Variants in ERGIC2 observed in about 807,000 individuals in gnomAD.
ERGIC2 encodes endoplasmic reticulum-Golgi intermediate compartment protein 2.
A neutral mutation model predicts 52.5 loss-of-function variants in ERGIC2; 31 were observed. The ratio of observed to expected loss-of-function variants is 0.59; its 90% CI spans 0.44 to 0.80. The LOEUF (loss-of-function observed/expected upper bound fraction) is 0.80. Ranked by LOEUF, ERGIC2 falls within the 30% of genes least tolerant of loss-of-function variation. The pLI is 0.00. For missense variants in ERGIC2, 395 were observed against 455.2 expected, an observed-to-expected ratio of 0.87 and a Z score of 1.20; for synonymous variants, 129 against 140.6, an observed-to-expected ratio of 0.92 and a Z score of 0.58.
intron 6 of ERGIC2, among the ~76,000 whole-genome samples, chr12:29,358,015 A>G (rs1020620323): frequency 1.3e-5 from 2 of 152,136 alleles, no homozygotes; most frequent in Non-Finnish European, 2.9e-5. Context: ...AAGTATCTCA[A>G]TTCATCTTTC....
chr12:29,378,088 C>T (rs553346300), intron 1 of ERGIC2, among the ~76,000 whole-genome samples: 11 of 152,288 alleles, frequency 7.2e-5, no homozygotes, highest in African/African-American at 2.6e-4. Flanking sequence ...ATATTTGAGT[C>T]TTTCAGATAT....
chr12:29,351,448 C>T (rs542085147), intron 8 of ERGIC2, among the ~76,000 whole-genome samples: 3 of 152,214 alleles, frequency 2.0e-5, no homozygotes, highest in South Asian at 4.1e-4. Context: ...TGAAAGCAGG[C>T]GATTCATAGA....
intron 1 of ERGIC2, among the ~76,000 whole-genome samples, chr12:29,375,649 A>G (rs1190196717): frequency 6.6e-6 from 1 of 152,222 alleles, no homozygotes; most frequent in African/African-American, 2.4e-5. Flanking sequence ...ATTTATATAT[A>G]AGCATAAAGA....
At chr12:29,372,358 T>C (rs981700977) in intron 1 of ERGIC2, 1 of 147,050 alleles carries the variant, frequency 6.8e-6, no homozygotes, top group African/African-American at 2.5e-5. Flanking sequence ...AAAATAAAAA[T>C]AATAATAATA....
chr12:29,376,435 G>A (rs1169386474), intron 1 of ERGIC2, among the ~76,000 whole-genome samples: 2 of 152,054 alleles, frequency 1.3e-5, no homozygotes, highest in Non-Finnish European at 2.9e-5. Flanking sequence ...TGGAATTCAT[G>A]CTCTGATGGC....
intron 6 of ERGIC2, among the ~76,000 whole-genome samples, chr12:29,360,816 G>A (rs909938981): frequency 6.6e-6 from 1 of 151,486 alleles, no homozygotes; most frequent in Non-Finnish European, 1.5e-5. Context: ...TTGTATCTGG[G>A]TGCCCAATCT....
At chr12:29,380,949 C>T (rs752106643) in intron 1 of ERGIC2, 166 bp downstream of exon 1, 2 of 152,264 alleles carry the variant, frequency 1.3e-5, no homozygotes, top group Non-Finnish European at 2.9e-5. Flanking sequence ...CAGTAACGCC[C>T]CCGTGGGAGG....
At position 29,371,489 on chromosome 12, in the gene ERGIC2, G is replaced by A. The variant is rs989663460; in HGVS notation, c.106+39C>T. On this transcript the variant is annotated intron_variant, in intron 2 of 13. Transcript: ENST00000360150. Reference sequence around the variant, plus strand: ...TTGTTGACTGGATCACGCAGAAGTTGTACTTACTACAGAACTTTTAATGTT... The same window carrying A: ...TTGTTGACTGGATCACGCAGAAGTTATACTTACTACAGAACTTTTAATGTT... The A allele has an allele frequency of 9.1e-6, 12 of 1,312,908 alleles. No homozygotes were observed. The South Asian group carries it at 1.6e-4, about 18-fold the overall frequency. The allele number at this position is 1,312,908 out of a possible 1,614,324, so 81.3% of individuals were successfully genotyped here.
intron 10 of ERGIC2, among the ~76,000 whole-genome samples, chr12:29,348,740 T>C (rs1940092448): frequency 6.6e-6 from 1 of 152,018 alleles, no homozygotes; most frequent in South Asian, 2.1e-4. Flanking sequence ...GTTGAACCTT[T>C]TTTTCATTCT....
rs917081294 is a variant in ERGIC2 at position 29,339,160 on chromosome 12, C to T, written c.*1996G>A. The T allele has an allele frequency of 6.6e-6, 1 of 152,024 alleles. No individual in the cohort carries two copies. Among genetic ancestry groups the T allele is most frequent in the Non-Finnish European group, 1.5e-5 (1 of 67,988 alleles). The allele number at this position is 152,024 out of a possible 1,614,324, so 9.4% of individuals were successfully genotyped here. A position where few individuals can be genotyped will look rare whatever the true frequency, so the allele number is the denominator to read the frequency against. ...TTTAAAATGGAAATCAAAGGCAAAG[C>T]AGAATTTTGCTTTAAAGAAATTCCT... On this transcript the variant is annotated 3_prime_UTR_variant, in exon 14 of 14. Transcript: ENST00000360150.
At chr12:29,354,733 T>C (rs547212097) in intron 8 of ERGIC2, among the ~76,000 whole-genome samples, 1 of 152,278 alleles carries the variant, frequency 6.6e-6, no homozygotes, top group East Asian at 1.9e-4. Flanking sequence ...AAAGTGAAAT[T>C]GTGAAAAGAC....
intron 5 of ERGIC2, among the ~76,000 whole-genome samples, chr12:29,362,134 T>C (rs1940295063): frequency 6.6e-6 from 1 of 152,186 alleles, no homozygotes; most frequent in South Asian, 2.1e-4. Flanking sequence ...AATAGCACAG[T>C]TAATTCCCAA....
At chr12:29,356,349 C>T (rs775439708) in intron 8 of ERGIC2, 33 bp downstream of exon 8, 16 of 1,266,016 alleles carry the variant, frequency 1.3e-5, no homozygotes, top group Non-Finnish European at 1.9e-5. Context: ...CCAACTTTGT[C>T]TAAAGTATTT....
At chr12:29,373,864 C>T (rs1357360748) in intron 1 of ERGIC2, among the ~76,000 whole-genome samples, 1 of 152,184 alleles carries the variant, frequency 6.6e-6, no homozygotes, top group East Asian at 1.9e-4. Context: ...AATTAAGCTT[C>T]TGAATGTTTG....
intron 1 of ERGIC2, 60 bp from the exon 2 acceptor site, chr12:29,371,730 T>A: frequency 1.3e-6 from 1 of 750,194 alleles, no homozygotes; most frequent in Non-Finnish European, 2.1e-6. Context: ...AAGGTTTCTT[T>A]AAATTTAGGA....
rs1940442094 is a variant in ERGIC2 at position 29,371,602 on chromosome 12, CTT to C, written c.30_31del (p.Ser11PhefsTer13). On this transcript the variant is annotated frameshift_variant, in exon 2 of 14. Coordinates refer to ENST00000360150, the MANE Select transcript of ERGIC2 (RefSeq NM_016570.3). LOFTEE classifies it high-confidence loss of function. ...AAAGGCATCCAACTCTTTTACCAAA[CTT>C]AAAGTTTTTTTCCGATTCAGTCGCC... 1.2e-6 allele frequency: 2 copies of C among 1,613,492 alleles called. No individual in the cohort carries two copies. The highest frequency in any genetic ancestry group is 3.3e-5 in the Admixed American group (2 of 59,936).
At chr12:29,348,573 G>T (rs1025486838) in intron 10 of ERGIC2, among the ~76,000 whole-genome samples, 1 of 151,940 alleles carries the variant, frequency 6.6e-6, no homozygotes, top group African/African-American at 2.4e-5. Context: ...GGTTATCTGT[G>T]CTATAATGTA....
At chr12:29,378,464 A>G (rs1940543928) in intron 1 of ERGIC2, among the ~76,000 whole-genome samples, 2 of 152,184 alleles carry the variant, frequency 1.3e-5, no homozygotes, top group East Asian at 1.9e-4. Flanking sequence ...CCATCGCTGA[A>G]TATCAGAAAT....
chr12:29,371,496 C>T, intron 2 of ERGIC2, 32 bp downstream of exon 2: 1 of 1,406,040 alleles, frequency 7.1e-7, no homozygotes, highest in Non-Finnish European at 9.8e-7. Flanking sequence ...GTTGTACTTA[C>T]TACAGAACTT....
Sources: allele counts gnomAD v4.1 joint callset (sites outside exome capture counted in the v4.1 genomes callset), GRCh38; gene constraint gnomAD v4.1.1; transcripts MANE v1.5; gene names NCBI Gene and HGNC (gene_info 2026-07-23, HGNC 2026-07-21).